Variants in INIP observed in about 807,000 individuals in gnomAD.
INIP encodes the protein SOSS complex subunit C.
A neutral mutation model predicts 14.0 loss-of-function variants in INIP; 9 were observed. The observed-to-expected ratio is 0.64, with a 90% confidence interval of 0.39 to 1.12. The LOEUF (loss-of-function observed/expected upper bound fraction) is 1.12. Among genes scored for constraint, INIP ranks in the 50% most tolerant of loss-of-function variants. The probability of loss-of-function intolerance (pLI) is 0.01; values close to 1 mark genes in which losing one functional copy is unlikely to be tolerated. For missense variants in INIP, 78 were observed against 122.7 expected, an observed-to-expected ratio of 0.64 and a Z score of 1.72; for synonymous variants, 37 against 41.5, an observed-to-expected ratio of 0.89 and a Z score of 0.41.
chr9:112,688,633 C>T (rs1837769929), intron 4 of INIP, among the ~76,000 whole-genome samples: 1 of 152,036 alleles, frequency 6.6e-6, no homozygotes, highest in Non-Finnish European at 1.5e-5. Context: ...CCAGTCTGGG[C>T]AACACAGTGA....
At chr9:112,693,136 G>A (rs1837953389) in intron 3 of INIP, among the ~76,000 whole-genome samples, 1 of 151,980 alleles carries the variant, frequency 6.6e-6, no homozygotes, top group South Asian at 2.1e-4. Context: ...TTAAAAGTCT[G>A]ACTAGGAAAT....
At chr9:112,697,576 C>T (rs74920629) in intron 2 of INIP, among the ~76,000 whole-genome samples, 3,054 of 152,178 alleles carry the variant, frequency 0.02, 49 homozygotes, top group Non-Finnish European at 0.025. Context: ...AGAGCAAGAC[C>T]CTGTCACTTA....
chr9:112,711,249 T>G (rs185618837), intron 2 of INIP, among the ~76,000 whole-genome samples: 270 of 152,048 alleles, frequency 1.8e-3, no homozygotes, highest in Non-Finnish European at 3.0e-3. Context: ...TTCACTGGAG[T>G]CCGGGAGTCT....
At chr9:112,697,047 C>T (rs1369357534) in intron 2 of INIP, among the ~76,000 whole-genome samples, 1 of 152,100 alleles carries the variant, frequency 6.6e-6, no homozygotes, top group Non-Finnish European at 1.5e-5. Context: ...CCCCGGAGGT[C>T]AGTAGGTGGG....
chr9:112,684,064 A>G lies in INIP; in HGVS notation c.*3474T>C, dbSNP rs1837571491. The G allele has an allele frequency of 6.6e-6, 1 of 152,260 alleles. No homozygotes were observed. The highest frequency in any genetic ancestry group is 1.9e-4 in the East Asian group (1 of 5,208). The allele number at this position is 152,260 out of a possible 1,614,324, so 9.4% of individuals were successfully genotyped here. ...AAAATACATTTTATATTGCAACTCA[A>G]GTCTATAAATTCTTTCATTCCTTCA... On this transcript the variant is annotated 3_prime_UTR_variant, in exon 5 of 5. Coordinates refer to ENST00000374242, the MANE Select transcript of INIP (RefSeq NM_021218.3).
At chr9:112,705,416 C>T (rs1470908533) in intron 2 of INIP, among the ~76,000 whole-genome samples, 5 of 152,044 alleles carry the variant, frequency 3.3e-5, no homozygotes, top group Non-Finnish European at 5.9e-5. Flanking sequence ...CTCAAGGCAT[C>T]CTCCTGCTTC....
chr9:112,704,087 G>A (rs1838382546), intron 2 of INIP, among the ~76,000 whole-genome samples: 1 of 152,158 alleles, frequency 6.6e-6, no homozygotes. Context: ...TCAGTACAAG[G>A]AGGGTAGGGT....
chr9:112,698,745 C>T (rs958521913), intron 2 of INIP, among the ~76,000 whole-genome samples: 12 of 152,124 alleles, frequency 7.9e-5, no homozygotes, highest in African/African-American at 2.9e-4. Context: ...GTTAAGAGAT[C>T]CTTAGATTCC....
rs1019744537 is a variant in INIP at position 112,712,903 on chromosome 9, A to G, written c.25+3558T>C. On this transcript the variant is annotated intron_variant, in intron 2 of 4. Transcript: ENST00000374242. ...TCAACAAACCCCAAACAAGAAAACC[A>G]CCTCTAGGCATACCATAGTCAGACC... Among the ~76,000 whole-genome samples, 7 of 152,262 alleles carry G rather than the reference A, an allele frequency of 4.6e-5. No homozygotes were observed. In the South Asian group the frequency reaches 8.3e-4, roughly 18 times the overall value.
At chr9:112,709,339 T>G (rs1228686968) in intron 2 of INIP, among the ~76,000 whole-genome samples, 2 of 152,100 alleles carry the variant, frequency 1.3e-5, no homozygotes, top group African/African-American at 4.8e-5. Context: ...ATCAGATCTA[T>G]CATCAGAATG....
chr9:112,708,327 T>C (rs1342742197), intron 2 of INIP, among the ~76,000 whole-genome samples: 2 of 152,164 alleles, frequency 1.3e-5, no homozygotes, highest in African/African-American at 2.4e-5. Flanking sequence ...TTTAAAAAGA[T>C]CACTCTAACT....
In INIP at chr9:112,685,246, CTT is replaced by C. The variant is rs77792170; in HGVS notation, c.*2290_*2291del. On this transcript the variant is annotated 3_prime_UTR_variant, in exon 5 of 5. Coordinates refer to ENST00000374242, the MANE Select transcript of INIP (RefSeq NM_021218.3). ...GCATGCACCAGCACACCTAGCCAAT[CTT>C]TTTTTTTTTTTTTTAATTTTTTAGT... The C allele has an allele frequency of 7.8e-5, 11 of 140,556 alleles. No homozygotes were observed. The highest frequency in any genetic ancestry group is 3.8e-3 in the Middle Eastern group (1 of 266). 8.7% of individuals were successfully genotyped at this position (140,556 alleles called of 1,614,324 possible).
rs76502699 is a variant in INIP, at chr9:112,694,719, A to C, written c.26-486T>G. Among the ~76,000 whole-genome samples, 609 of 152,302 alleles carry C rather than the reference A, an allele frequency of 4.0e-3. 2 individuals are homozygous for C. The highest frequency in any genetic ancestry group is 7.3e-3 in the Non-Finnish European group (496 of 68,028). On this transcript the variant is annotated intron_variant, in intron 2 of 4. Coordinates refer to ENST00000374242, the MANE Select transcript of INIP (RefSeq NM_021218.3). ...AAAGCAGTAAACATACTCAGATCAAAATATTTCTTCTTCTCAACTGCTTCC... is the reference window on the plus strand; with the variant it reads ...AAAGCAGTAAACATACTCAGATCAACATATTTCTTCTTCTCAACTGCTTCC...
chr9:112,716,650 A>G, intron 1 of INIP, 109 bp from the exon 2 acceptor site: 1 of 569,778 alleles, frequency 1.8e-6, no homozygotes, highest in East Asian at 3.5e-5. Context: ...TAATCTCTTC[A>G]GAAAGATACA....
At chr9:112,690,684 TC>T (rs1451621046) in intron 3 of INIP, among the ~76,000 whole-genome samples, 2 of 152,196 alleles carry the variant, frequency 1.3e-5, no homozygotes, top group Non-Finnish European at 2.9e-5. Flanking sequence ...ACAATGTCAT[TC>T]CCCTAGCTGG....
chr9:112,710,222 T>G (rs1300609112), intron 2 of INIP, among the ~76,000 whole-genome samples: 1 of 152,164 alleles, frequency 6.6e-6, no homozygotes, highest in African/African-American at 2.4e-5. Flanking sequence ...CTATGCAGCA[T>G]GCTGAAATCA....
At chr9:112,716,400 T>C in intron 2 of INIP, 61 bp downstream of exon 2, 1 of 1,489,446 alleles carries the variant, frequency 6.7e-7, no homozygotes, top group South Asian at 1.1e-5. Flanking sequence ...TTTTCTCTTA[T>C]TCAAATACAT....
chr9:112,706,391 G>A (rs562174908), intron 2 of INIP, among the ~76,000 whole-genome samples: 52 of 152,048 alleles, frequency 3.4e-4, no homozygotes, highest in African/African-American at 1.2e-3. Flanking sequence ...TAAGACTATA[G>A]GTGTGCACTA....
At chr9:112,696,719 G>C (rs1364969185) in intron 2 of INIP, among the ~76,000 whole-genome samples, 1 of 152,126 alleles carries the variant, frequency 6.6e-6, no homozygotes, top group African/African-American at 2.4e-5. Flanking sequence ...CCTTGGATTT[G>C]GTTAATTTGC....
Sources: allele counts gnomAD v4.1 joint callset (sites outside exome capture counted in the v4.1 genomes callset), GRCh38; gene constraint gnomAD v4.1.1; transcripts MANE v1.5; gene names NCBI Gene and HGNC (gene_info 2026-07-23, HGNC 2026-07-21).